The following TCAF1 variants were observed in gnomAD, a reference collection of about 807,000 sequenced individuals.
The protein encoded by TCAF1 is TRPM8 channel-associated factor 1.
In TCAF1, 4 loss-of-function variants were observed where a neutral mutation model predicts 27.3. That is an observed-to-expected ratio of 0.15 (90% CI 0.07 to 0.34). The LOEUF (loss-of-function observed/expected upper bound fraction) is 0.34. TCAF1 is among the 10% of genes least tolerant of loss of function. TCAF1 has a pLI of 1.00. For synonymous variants in TCAF1, 105 were observed against 167.1 expected (o/e 0.63, Z 2.87); for missense variants, 257 against 425.8 (o/e 0.60, Z 3.49).
At chr7:143,900,316 C>T (rs1586806908) in intron 1 of TCAF1, among the ~76,000 whole-genome samples, 1 of 151,904 alleles carries the variant, frequency 6.6e-6, no homozygotes, top group Non-Finnish European at 1.5e-5. Context: ...AATGGGATGT[C>T]GCTTCTGAGG....
In TCAF1 at chr7:143,875,989, C is replaced by T; in HGVS notation, c.620G>A (p.Ser207Asn). Reference sequence around the variant, plus strand: ...CTCCCCAGTGGGGTAACATACTCACCTAACCAACACTGGGATCTTGGGCAT... The same window carrying T: ...CTCCCCAGTGGGGTAACATACTCACTTAACCAACACTGGGATCTTGGGCAT... ...KKMPKIPVLVSCEDDLSDDRE... is the reference protein window; with the variant it reads ...KKMPKIPVLVNCEDDLSDDRE... Residue 207 changes from serine to asparagine, a missense_variant and splice_region_variant, in exon 2 of 9, where the codon AGT becomes AAT. Around this residue, in one of 2 missense-constraint regions of TCAF1, gnomAD observed 255 missense variants for 260.1 expected, o/e 0.98. Transcript: ENST00000479870. 1 of 1,546,940 alleles carries T rather than the reference C, an allele frequency of 6.5e-7. No homozygotes were observed. The highest frequency in any genetic ancestry group is 1.3e-5 in the South Asian group (1 of 78,972).
chr7:143,885,527 T>C, intron 1 of TCAF1: 1 of 985,268 alleles, frequency 1.0e-6, no homozygotes, highest in Non-Finnish European at 1.2e-6. Context: ...GCCCTCAGAG[T>C]GCAGCAGGAC....
At chr7:143,884,790 T>TA (rs1813307341) in intron 1 of TCAF1, among the ~76,000 whole-genome samples, 2 of 152,082 alleles carry the variant, frequency 1.3e-5, no homozygotes, top group African/African-American at 2.4e-5. Flanking sequence ...GCAAAGGTGA[T>TA]AAAATGTCAG....
intron 1 of TCAF1, among the ~76,000 whole-genome samples, chr7:143,879,461 G>A (rs989947893): frequency 5.9e-5 from 9 of 152,116 alleles, no homozygotes; most frequent in African/African-American, 1.7e-4. Flanking sequence ...CATCACAATC[G>A]GCAGGAATGA....
chr7:143,885,135 C>A, intron 1 of TCAF1: 1 of 985,556 alleles, frequency 1.0e-6, no homozygotes, highest in Non-Finnish European at 1.2e-6. Context: ...CGGACTGCAT[C>A]GGGAGCCGCC....
rs6961160 is a variant in TCAF1 at position 143,883,147 on chromosome 7, T to C, written c.-14-6525A>G. 5.2e-3 allele frequency among the ~76,000 whole-genome samples: 788 copies of C among 152,332 alleles called. 8 individuals carry two copies. Among genetic ancestry groups the C allele is most frequent in the African/African-American group, 0.018 (750 of 41,570 alleles). ...GGGACAAACATTCTGCTTAGTATTA[T>C]TCAGTTCTTAGGAAGAGCTTGAATC... On this transcript the variant is annotated intron_variant, in intron 1 of 8. Transcript: ENST00000479870.
At chr7:143,885,279 C>T in intron 1 of TCAF1, 2 of 985,444 alleles carry the variant, frequency 2.0e-6, no homozygotes, top group Non-Finnish European at 2.4e-6. Flanking sequence ...TGTGGGAAGG[C>T]GCTGGGGCAG....
intron 1 of TCAF1, among the ~76,000 whole-genome samples, chr7:143,883,694 G>A (rs1813229426): frequency 1.3e-5 from 2 of 151,914 alleles, no homozygotes; most frequent in South Asian, 2.1e-4. Context: ...TTGTAGAGAC[G>A]GGATTTCACC....
intron 1 of TCAF1, among the ~76,000 whole-genome samples, chr7:143,879,769 C>T (rs1396648493): frequency 6.6e-6 from 1 of 152,086 alleles, no homozygotes; most frequent in Non-Finnish European, 1.5e-5. Context: ...ATCCAACTTC[C>T]ACATAGCCCC....
chr7:143,876,613 C>G lies in TCAF1; in HGVS notation c.-5G>C, dbSNP rs779076931. The G allele has an allele frequency of 1.3e-6, 2 of 1,496,400 alleles. No homozygotes were observed. The highest frequency in any genetic ancestry group is 3.0e-5 in the South Asian group (2 of 66,492). The allele number at this position is 1,496,400 out of a possible 1,614,324, so 92.7% of individuals were successfully genotyped here. ...GGCAGCAGAGGGAGTCGCCATGGCT[C>G]TATTGGTTTCTGCAGAGAAGAAAGC... On this transcript the variant is annotated 5_prime_UTR_variant, in exon 2 of 9. Coordinates refer to ENST00000479870, the MANE Select transcript of TCAF1 (RefSeq NM_014719.3).
At chr7:143,875,667 C>T (rs1812655432) in intron 2 of TCAF1, among the ~76,000 whole-genome samples, 1 of 152,132 alleles carries the variant, frequency 6.6e-6, no homozygotes, top group South Asian at 2.1e-4. Flanking sequence ...TTGAAAGCAA[C>T]CTCTCCTATA....
chr7:143,859,954 T>C (rs958742891), intron 6 of TCAF1, among the ~76,000 whole-genome samples: 1 of 28,514 alleles, frequency 3.5e-5, no homozygotes, highest in Non-Finnish European at 7.2e-5. Flanking sequence ...TAATATATAT[T>C]ACGGAATATA....
At chr7:143,882,304 C>T (rs1336546294) in intron 1 of TCAF1, among the ~76,000 whole-genome samples, 2 of 152,078 alleles carry the variant, frequency 1.3e-5, no homozygotes, top group East Asian at 3.9e-4. Context: ...GATCAAAGGG[C>T]AGTAGGACAG....
In TCAF1 at chr7:143,875,829, C is replaced by T. The variant is rs146883794; in HGVS notation, c.620+160G>A. 1.4e-4 allele frequency among the ~76,000 whole-genome samples: 22 copies of T among 152,264 alleles called. No individual in the cohort carries two copies. The East Asian group carries it at 4.3e-3, about 29-fold the overall frequency. The stretch of plus-strand genomic sequence containing the variant: ...CAGGGGCAGTGAGGACCTTGCCCCT[C>T]CTATGTCTCAGGGCATTTAAAAAAT... On this transcript the variant is annotated intron_variant, in intron 2 of 8. Transcript: ENST00000479870.
chr7:143,851,378 A>T lies in TCAF1; in HGVS notation c.*2755T>A, dbSNP rs1364241396. 7 of 152,316 alleles carry T rather than the reference A, an allele frequency of 4.6e-5. No individual in the cohort carries two copies. Among genetic ancestry groups the T allele is most frequent in the African/African-American group, 1.7e-4 (7 of 41,466 alleles). 9.4% of individuals were successfully genotyped at this position (152,316 alleles called of 1,614,324 possible). ...TTAATCAATGTGAAGTCACTGGAAG[A>T]TTTTTATTTGGGTTTATTAAAAATT... On this transcript the variant is annotated 3_prime_UTR_variant, in exon 9 of 9. Transcript: ENST00000479870.
chr7:143,898,941 C>G (rs1814004556), intron 1 of TCAF1, among the ~76,000 whole-genome samples: 1 of 152,174 alleles, frequency 6.6e-6, no homozygotes, highest in Non-Finnish European at 1.5e-5. Flanking sequence ...TCCTTTTACA[C>G]TCTCTTTCAG....
chr7:143,888,272 A>G lies in TCAF1; in HGVS notation c.-14-11650T>C, dbSNP rs147765293. Reference sequence around the variant, plus strand: ...CAGAAACAAACTAAAAGCAGGAAACATTGAAGGAAGCAAGCATGAAAGCTG... The same window carrying G: ...CAGAAACAAACTAAAAGCAGGAAACGTTGAAGGAAGCAAGCATGAAAGCTG... On this transcript the variant is annotated intron_variant, in intron 1 of 8. Coordinates refer to ENST00000479870, the MANE Select transcript of TCAF1 (RefSeq NM_014719.3). Among the ~76,000 whole-genome samples the G allele has an allele frequency of 9.9e-3, 1,503 of 152,332 alleles. 26 individuals carry two copies. The highest frequency in any genetic ancestry group is 0.033 in the African/African-American group (1,380 of 41,576).
At chr7:143,874,665 G>A (rs1212813407) in intron 2 of TCAF1, among the ~76,000 whole-genome samples, 1 of 151,910 alleles carries the variant, frequency 6.6e-6, no homozygotes, top group Non-Finnish European at 1.5e-5. Flanking sequence ...TTCCTTTAGA[G>A]AGAAAAAGAG....
At chr7:143,897,629 CGTATACTGATACATTCAT>C (rs1813948440) in intron 1 of TCAF1, among the ~76,000 whole-genome samples, 1 of 151,876 alleles carries the variant, frequency 6.6e-6, no homozygotes, top group Admixed American at 6.6e-5. Flanking sequence ...TATACATGTA[CGTATACTGATACATTCAT>C]GTATATGTGA....
Sources: gnomAD v4.1 joint callset for allele counts (sites outside exome capture counted in the v4.1 genomes callset) on GRCh38, gnomAD v4.1.1 for gene constraint, gnomAD v4.1.1 regional missense constraint, MANE v1.5 for transcripts, NCBI Gene and HGNC (gene_info 2026-07-23, HGNC 2026-07-21) for gene names.